The following MAPK8IP3 variants were observed in gnomAD, a reference collection of about 807,000 sequenced individuals.
The protein encoded by MAPK8IP3 is C-Jun-amino-terminal kinase-interacting protein 3.
MAPK8IP3 carries 49 observed loss-of-function variants against 157.8 expected under a neutral mutation model. That is an observed-to-expected ratio of 0.31 (90% CI 0.25 to 0.39). MAPK8IP3 has a LOEUF of 0.39. MAPK8IP3 is among the 10% of genes least tolerant of loss of function. The probability of loss-of-function intolerance (pLI) is 1.00; values close to 1 mark genes in which losing one functional copy is unlikely to be tolerated. For synonymous variants in MAPK8IP3, 897 were observed against 777.7 expected (o/e 1.15, Z -2.55); for missense variants, 1,478 against 1,889.4 (o/e 0.78, Z 4.04).
Position 1,768,207 on chromosome 16 carries a change from A to T in MAPK8IP3, c.3571A>T (p.Thr1191Ser). Reference sequence around the variant, plus strand: ...GGGTTCTCTCCCTGCAGCCAATAAGACATCCCCCACCTCTGGGGAGGGCGC... The same window carrying T: ...GGGTTCTCTCCCTGCAGCCAATAAGTCATCCCCCACCTCTGGGGAGGGCGC... Reference protein sequence around the residue: ...GQLLGLRANKTSPTSGEGARP... With the variant: ...GQLLGLRANKSSPTSGEGARP... Residue 1191 changes from threonine (T) to serine (S), a missense_variant, in exon 30 of 32, where the codon ACA (threonine) becomes TCA (serine). Around this residue, in one of 11 missense-constraint regions of MAPK8IP3, gnomAD observed 83 missense variants for 85.3 expected, o/e 0.97. Coordinates refer to ENST00000610761, the MANE Select transcript of MAPK8IP3 (RefSeq NM_001318852.2). 6.2e-7 allele frequency: 1 copy of T among 1,612,310 alleles called. No individual in the cohort carries two copies. The highest frequency in any genetic ancestry group is 8.5e-7 in the Non-Finnish European group (1 of 1,179,832).
In MAPK8IP3 at chr16:1,763,792, G is replaced by A. The variant is rs761693643; in HGVS notation, c.2025+9G>A. ...CCGCCAAGTACAAGCAGGTGCGGGC[G>A]GGCGCTGCGGGGACCGGGCGGGGCC... On this transcript the variant is annotated intron_variant, in intron 17 of 31. Transcript: ENST00000610761. 5 of 1,517,918 alleles carry A rather than the reference G, an allele frequency of 3.3e-6. No individual in the cohort carries two copies. The South Asian group carries it at 3.7e-5, about 11-fold the overall frequency. The allele number at this position is 1,517,918 out of a possible 1,614,324, so 94.0% of individuals were successfully genotyped here.
chr16:1,729,985 G>A (rs1018536524), intron 4 of MAPK8IP3, among the ~76,000 whole-genome samples: 4 of 131,520 alleles, frequency 3.0e-5, no homozygotes, highest in African/African-American at 1.1e-4. Context: ...AAGGCAGGAG[G>A]ATTACTTGAG....
Position 1,761,884 on chromosome 16 carries a change from G to T in MAPK8IP3, c.1540-467G>T, listed in dbSNP as rs903039529. On this transcript the variant is annotated intron_variant, in intron 13 of 31. Transcript: ENST00000610761. Reference sequence around the variant, plus strand: ...CACACTCGGGGCATGGGGATGCGGGGTGCCTCCCGGGGACTCACCGGCGCT... The same window carrying T: ...CACACTCGGGGCATGGGGATGCGGGTTGCCTCCCGGGGACTCACCGGCGCT... 2.6e-5 allele frequency among the ~76,000 whole-genome samples: 4 copies of T among 152,348 alleles called. No individual in the cohort carries two copies. In the East Asian group the frequency reaches 7.7e-4, roughly 29 times the overall value.
intron 3 of MAPK8IP3, 123 bp from the exon 4 acceptor site, chr16:1,729,364 T>G: frequency 8.0e-7 from 1 of 1,257,202 alleles, no homozygotes; most frequent in Admixed American, 2.0e-5. Context: ...GCTGGTTAGA[T>G]TCCCCTCCAG....
At chr16:1,762,319 C>CT in intron 13 of MAPK8IP3, 32 bp from the exon 14 acceptor site, 1 of 1,545,066 alleles carries the variant, frequency 6.5e-7, no homozygotes, top group Non-Finnish European at 8.7e-7. Flanking sequence ...CCTCCGAGGG[C>CT]TGGCTGAGCC....
At chr16:1,749,019 C>A in intron 8 of MAPK8IP3, 1 of 460,920 alleles carries the variant, frequency 2.2e-6, no homozygotes, top group South Asian at 1.8e-5. Flanking sequence ...GTTGTAGATG[C>A]TGTGTAAGTA....
At chr16:1,714,407 A>T (rs2038005609) in intron 1 of MAPK8IP3, among the ~76,000 whole-genome samples, 1 of 145,966 alleles carries the variant, frequency 6.9e-6, no homozygotes, top group African/African-American at 2.8e-5. Flanking sequence ...CTTTTGAGCC[A>T]CTGTTACGGC....
intron 2 of MAPK8IP3, among the ~76,000 whole-genome samples, chr16:1,725,148 G>GA: frequency 8.1e-6 from 1 of 123,150 alleles, no homozygotes; most frequent in South Asian, 2.7e-4. Context: ...AGCAGAAAGG[G>GA]TTTATTATTA....
chr16:1,749,744 G>A (rs2041184034), intron 8 of MAPK8IP3, among the ~76,000 whole-genome samples: 1 of 152,242 alleles, frequency 6.6e-6, no homozygotes. Flanking sequence ...AGGGTGAGAA[G>A]CTCCTGGATC....
In MAPK8IP3 at chr16:1,744,050, T is replaced by C. The variant is rs916223028; in HGVS notation, c.747+574T>C. 8 of 988,946 alleles carry C rather than the reference T, an allele frequency of 8.1e-6. No individual in the cohort carries two copies. The South Asian group carries it at 3.7e-4, about 45-fold the overall frequency. The allele number at this position is 988,946 out of a possible 1,614,324, so 61.3% of individuals were successfully genotyped here. On this transcript the variant is annotated intron_variant, in intron 5 of 31. Coordinates refer to ENST00000610761, the MANE Select transcript of MAPK8IP3 (RefSeq NM_001318852.2). ...CCCCAGCAGGTACTCACAGCCAGAGTGCGGGGGCCCCAGCAGGTTCTCACA... is the reference window on the plus strand; with the variant it reads ...CCCCAGCAGGTACTCACAGCCAGAGCGCGGGGGCCCCAGCAGGTTCTCACA...
In MAPK8IP3 at chr16:1,760,097, G is replaced by A. The variant is rs2041849010; in HGVS notation, c.1304+82G>A. The A allele has an allele frequency of 8.2e-6, 12 of 1,468,238 alleles. No individual in the cohort carries two copies. In the East Asian group the frequency reaches 9.0e-5, roughly 11 times the overall value. 91.0% of individuals were successfully genotyped at this position (1,468,238 alleles called of 1,614,324 possible). On this transcript the variant is annotated intron_variant, in intron 11 of 31. Transcript: ENST00000610761. Reference sequence around the variant, plus strand: ...GGGAGAGTGAGCCGGGCCAGAGGGCGCCTTGGGGAGCACCTGGCTCCAACG... The same window carrying A: ...GGGAGAGTGAGCCGGGCCAGAGGGCACCTTGGGGAGCACCTGGCTCCAACG...
chr16:1,749,145 A>T (rs752849629), intron 8 of MAPK8IP3, among the ~76,000 whole-genome samples: 4 of 152,220 alleles, frequency 2.6e-5, no homozygotes, highest in Non-Finnish European at 5.9e-5. Flanking sequence ...GAATCCACAC[A>T]TGCAGAACTC....
At position 1,737,484 on chromosome 16, in the gene MAPK8IP3, G is replaced by T. The variant is rs550915572; in HGVS notation, c.603-5848G>T. Among the ~76,000 whole-genome samples, 4 of 99,290 alleles carry T rather than the reference G, an allele frequency of 4.0e-5. 1 individual carries two copies. The highest frequency in any genetic ancestry group is 6.1e-5 in the Non-Finnish European group (3 of 49,342). 65.1% of individuals were successfully genotyped at this position (99,290 alleles called of 152,430 possible). On this transcript the variant is annotated intron_variant, in intron 4 of 31. Coordinates refer to ENST00000610761, the MANE Select transcript of MAPK8IP3 (RefSeq NM_001318852.2). Reference sequence around the variant, plus strand: ...CACCCATGTGAGCATCTGTGTGACCGTCCGTGTGAGCGTCCGTGTGAGCGT... The same window carrying T: ...CACCCATGTGAGCATCTGTGTGACCTTCCGTGTGAGCGTCCGTGTGAGCGT...
intron 8 of MAPK8IP3, among the ~76,000 whole-genome samples, chr16:1,750,356 G>T (rs1249267071): frequency 6.6e-6 from 1 of 151,940 alleles, no homozygotes; most frequent in African/African-American, 2.4e-5. Flanking sequence ...GGAATTAGAG[G>T]CACGCGCCAC....
rs2041091412 is a variant in MAPK8IP3, at chr16:1,748,310, T to C, written c.1061T>C (p.Met354Thr). 1.7e-5 allele frequency: 28 copies of C among 1,613,914 alleles called. No homozygotes were observed. The highest frequency in any genetic ancestry group is 2.2e-5 in the Non-Finnish European group (26 of 1,179,990). Reference protein sequence around the residue: ...DIIDSTPELDMCPETRLDRTG... With the variant: ...DIIDSTPELDTCPETRLDRTG... The stretch of plus-strand genomic sequence containing the variant: ...ATTGACTCCACGCCAGAGCTGGACA[T>C]GTGTCCAGAGACCCGCCTGGACCGC... Residue 354 changes from methionine (M) to threonine (T), a missense_variant, in exon 7 of 32, where the codon ATG (methionine) becomes ACG (threonine). Physicochemically the swap from Met to Thr is moderately conservative, Grantham distance 81 (BLOSUM62 -1). Around this residue, in one of 11 missense-constraint regions of MAPK8IP3, gnomAD observed 315 missense variants for 394.4 expected, o/e 0.80. Transcript: ENST00000610761.
chr16:1,741,599 G>A lies in MAPK8IP3; in HGVS notation c.603-1733G>A, dbSNP rs949934491. Among the ~76,000 whole-genome samples, 3 of 152,108 alleles carry A rather than the reference G, an allele frequency of 2.0e-5. No individual in the cohort carries two copies. The highest frequency in any genetic ancestry group is 1.3e-4 in the Admixed American group (2 of 15,278). Reference sequence around the variant, plus strand: ...CTGGGCCTCAGCAGAGGCGCTCCCCGCACCAGCGTTGGGAGCGCAGTGGAA... The same window carrying A: ...CTGGGCCTCAGCAGAGGCGCTCCCCACACCAGCGTTGGGAGCGCAGTGGAA... On this transcript the variant is annotated intron_variant, in intron 4 of 31. Transcript: ENST00000610761. The surrounding 1 kb of genome is among the most constrained non-coding windows in gnomAD (Gnocchi z 6.9).
At chr16:1,744,253 G>C in intron 5 of MAPK8IP3, 1 of 985,652 alleles carries the variant, frequency 1.0e-6, no homozygotes, top group Non-Finnish European at 1.2e-6. Context: ...TCCCACAGGG[G>C]CCGTCAGAGG....
At chr16:1,707,327 G>C (rs1450970512) in intron 1 of MAPK8IP3, 3 of 152,258 alleles carry the variant, frequency 2.0e-5, no homozygotes, top group Non-Finnish European at 4.4e-5. Flanking sequence ...CTGCTCCTCT[G>C]TCAGCAGAAG....
intron 2 of MAPK8IP3, among the ~76,000 whole-genome samples, chr16:1,725,692 A>T (rs1191543442): frequency 6.6e-6 from 1 of 152,018 alleles, no homozygotes; most frequent in Non-Finnish European, 1.5e-5. Flanking sequence ...CCTTTTCTGT[A>T]ATTAGATGTT....
Sources: gnomAD v4.1 joint callset for allele counts (sites outside exome capture counted in the v4.1 genomes callset) on GRCh38, gnomAD v4.1.1 for gene constraint, gnomAD v4.1.1 regional missense constraint, Gnocchi (gnomAD v3.1) non-coding constraint, MANE v1.5 for transcripts, NCBI Gene and HGNC (gene_info 2026-07-23, HGNC 2026-07-21) for gene names.